The following DHX9 variants were observed in gnomAD, a reference collection of about 807,000 sequenced individuals.
The protein encoded by DHX9 is DExH-box helicase 9.
Under a neutral mutation model 148.7 loss-of-function variants are expected in DHX9, and 27 were observed. That is an observed-to-expected ratio of 0.18 (90% CI 0.13 to 0.25). DHX9 has a LOEUF of 0.25. Among genes scored for constraint, DHX9 ranks in the 10% least tolerant of loss-of-function variants. DHX9 has a pLI of 1.00. For synonymous variants in DHX9, 529 were observed against 516.6 expected (o/e 1.02, Z -0.33); for missense variants, 796 against 1,559.6 (o/e 0.51, Z 8.25).
intron 12 of DHX9, among the ~76,000 whole-genome samples, chr1:182,861,027 A>G (rs1032355045): frequency 6.6e-6 from 1 of 152,284 alleles, no homozygotes; most frequent in Non-Finnish European, 1.5e-5. Flanking sequence ...GAGGAGAGTT[A>G]CAAACTTTGA....
chr1:182,868,503 AAC>A (rs750145612), intron 14 of DHX9, among the ~76,000 whole-genome samples: 2 of 142,054 alleles, frequency 1.4e-5, no homozygotes, highest in Non-Finnish European at 3.0e-5. Flanking sequence ...ATGATAATCT[AAC>A]ACTTATTTTA....
intron 19 of DHX9, 54 bp downstream of exon 19, chr1:182,876,957 C>A: frequency 1.5e-6 from 2 of 1,309,942 alleles, no homozygotes; most frequent in South Asian, 1.2e-5. Flanking sequence ...CTGGAAACTT[C>A]TTACCAGTTA....
chr1:182,860,947 C>T (rs964073934), intron 12 of DHX9, among the ~76,000 whole-genome samples: 4 of 152,188 alleles, frequency 2.6e-5, no homozygotes, highest in Admixed American at 2.0e-4. Flanking sequence ...AGGCTTACAT[C>T]TTGACTTAGA....
intron 12 of DHX9, among the ~76,000 whole-genome samples, chr1:182,863,674 G>A (rs757409558): frequency 1.9e-4 from 29 of 152,236 alleles, no homozygotes; most frequent in Middle Eastern, 3.4e-3. Flanking sequence ...CTGTACAGTG[G>A]CATGCAGTCT....
chr1:182,843,125 T>A (rs915495721), intron 2 of DHX9, among the ~76,000 whole-genome samples, 169 bp from the exon 3 acceptor site: 3 of 152,238 alleles, frequency 2.0e-5, no homozygotes, highest in Non-Finnish European at 4.4e-5. Context: ...CAACACAATT[T>A]AAGCTTTTTC....
intron 15 of DHX9, among the ~76,000 whole-genome samples, chr1:182,874,423 T>G (rs1040566451): frequency 3.3e-5 from 5 of 152,198 alleles, no homozygotes; most frequent in Non-Finnish European, 2.9e-5. Context: ...GCATAATTGA[T>G]CAACAGATCT....
chr1:182,841,984 C>CA (rs1323030641), intron 1 of DHX9, among the ~76,000 whole-genome samples: 17 of 152,090 alleles, frequency 1.1e-4, no homozygotes, highest in African/African-American at 3.9e-4. Context: ...ACTTTGGGGA[C>CA]AATATGCTAG....
At chr1:182,874,547 T>C (rs114531968) in intron 15 of DHX9, among the ~76,000 whole-genome samples, 120 of 152,316 alleles carry the variant, frequency 7.9e-4, no homozygotes, top group African/African-American at 2.8e-3. Context: ...CTTCTTTCCA[T>C]GTATAACTCC....
intron 3 of DHX9, among the ~76,000 whole-genome samples, chr1:182,849,132 C>CA (rs1306603690): frequency 6.6e-6 from 1 of 152,202 alleles, no homozygotes; most frequent in Non-Finnish European, 1.5e-5. Context: ...TTTTCATAAT[C>CA]ACTTATTTCA....
chr1:182,845,330 T>C (rs903934407), intron 3 of DHX9, among the ~76,000 whole-genome samples: 7 of 152,160 alleles, frequency 4.6e-5, no homozygotes, highest in Non-Finnish European at 1.0e-4. Flanking sequence ...TTATTCTCTT[T>C]CTGAAAATAT....
chr1:182,878,693 A>G (rs1354995211), intron 20 of DHX9, among the ~76,000 whole-genome samples: 2 of 152,228 alleles, frequency 1.3e-5, no homozygotes, highest in African/African-American at 4.8e-5. Context: ...TTTTCTTGGT[A>G]ATATTTGCAT....
Position 182,859,136 on chromosome 1 carries a change from G to GACTT in DHX9, c.1140+21_1140+22insTTAC. On this transcript the variant is annotated intron_variant, in intron 11 of 27. Transcript: ENST00000367549. ...GCAAGCAGTAAGTCTGAATTATTTA[G>GACTT]ACAAGTAGTGCTCAGAGCTTCAGAA... 6.2e-7 allele frequency: 1 copy of GACTT among 1,601,766 alleles called. No individual in the cohort carries two copies. The highest frequency in any genetic ancestry group is 8.6e-7 in the Non-Finnish European group (1 of 1,169,100).
rs766466832 is a variant in DHX9 at position 182,843,329 on chromosome 1, A to C, written c.147A>C (p.Gly49=). ...AAGGTTATAATTACACTGGCATGGGAAATTCCACCAATAAAAAAGATGCAC... is the reference window on the plus strand; with the variant it reads ...AAGGTTATAATTACACTGGCATGGGCAATTCCACCAATAAAAAAGATGCAC... ...QVEGYNYTGM[G]NSTNKKDAQS... The change falls in exon 3 of 28, where the codon GGA becomes GGC. Residue 49 remains glycine, a synonymous_variant. Transcript: ENST00000367549. 24 of 1,609,566 alleles carry C rather than the reference A, an allele frequency of 1.5e-5. No individual in the cohort carries two copies. The East Asian group carries it at 5.2e-4, about 35-fold the overall frequency.
intron 26 of DHX9, among the ~76,000 whole-genome samples, chr1:182,884,297 A>G (rs535321735): frequency 6.6e-6 from 1 of 152,188 alleles, no homozygotes; most frequent in Admixed American, 6.5e-5. Flanking sequence ...TGAATGATCC[A>G]TATTGCTGGA....
intron 6 of DHX9, among the ~76,000 whole-genome samples, chr1:182,854,443 A>C (rs868335334): frequency 2.6e-5 from 4 of 152,236 alleles, no homozygotes; most frequent in African/African-American, 9.6e-5. Context: ...TTTGAATCTG[A>C]AAGGCAAAAG....
At chr1:182,883,492 T>C in intron 25 of DHX9, 28 bp from the exon 26 acceptor site, 2 of 1,602,342 alleles carry the variant, frequency 1.2e-6, no homozygotes, top group Non-Finnish European at 1.7e-6. Flanking sequence ...TGTCAACCAT[T>C]TTGTATTGTC....
chr1:182,880,491 C>T lies in DHX9; in HGVS notation c.2513-6C>T. 1.3e-6 allele frequency: 2 copies of T among 1,591,784 alleles called. No individual in the cohort carries two copies. The highest frequency in any genetic ancestry group is 8.6e-7 in the Non-Finnish European group (1 of 1,161,006). On this transcript the variant is annotated splice_polypyrimidine_tract_variant and splice_region_variant and intron_variant, in intron 21 of 27. Coordinates refer to ENST00000367549, the MANE Select transcript of DHX9 (RefSeq NM_001357.5). ...TTTCTGCTCACAAAGAACTATCTCCCCACAGAGCTTGATGCATTAGATGCC... is the reference window on the plus strand; with the variant it reads ...TTTCTGCTCACAAAGAACTATCTCCTCACAGAGCTTGATGCATTAGATGCC...
At chr1:182,871,939 T>C (rs1187046242) in intron 14 of DHX9, among the ~76,000 whole-genome samples, 1 of 152,140 alleles carries the variant, frequency 6.6e-6, no homozygotes, top group Non-Finnish European at 1.5e-5. Flanking sequence ...CCTGAGTACC[T>C]GGGATTACAG....
chr1:182,875,096 G>C (rs1317072310), intron 16 of DHX9, 142 bp downstream of exon 16: 1 of 749,524 alleles, frequency 1.3e-6, no homozygotes, highest in East Asian at 2.9e-5. Context: ...TGGATTAATT[G>C]ATGTATTTTA....
Sources: gnomAD v4.1 joint callset for allele counts (sites outside exome capture counted in the v4.1 genomes callset) on GRCh38, gnomAD v4.1.1 for gene constraint, MANE v1.5 for transcripts, NCBI Gene and HGNC (gene_info 2026-07-23, HGNC 2026-07-21) for gene names.